Variants in UGT2A1 observed in about 807,000 individuals in gnomAD.
UGT2A1 encodes the protein UDP-glucuronosyltransferase 2A1.
In UGT2A1, 61 loss-of-function variants were observed where a neutral mutation model predicts 45.4. The observed-to-expected ratio is 1.34, with a 90% confidence interval of 1.09 to 1.66. The LOEUF is 1.66. Ranked by LOEUF, UGT2A1 falls within the 40% of genes most tolerant of loss-of-function variation. UGT2A1 has a pLI of 0.00. For synonymous variants in UGT2A1, 229 were observed against 196.2 expected, an observed-to-expected ratio of 1.17 and a Z score of -1.40; for missense variants, 649 against 574.3, an observed-to-expected ratio of 1.13 and a Z score of -1.33.
rs576765689 is a variant in UGT2A1 at position 69,600,561 on chromosome 4, C to A, written c.848-1167G>T. ...ATGGCCTGAAAGCCACAGTTTCCATCTCAGTGGGTGTGTTAGGCCTTTCTC... is the reference window on the plus strand; with the variant it reads ...ATGGCCTGAAAGCCACAGTTTCCATATCAGTGGGTGTGTTAGGCCTTTCTC... On this transcript the variant is annotated intron_variant, in intron 3 of 6. Coordinates refer to ENST00000286604, the MANE Select transcript of UGT2A1 (RefSeq NM_001252275.3). Among the ~76,000 whole-genome samples the A allele has an allele frequency of 3.9e-3, 587 of 152,290 alleles. 1 individual carries two copies. The highest frequency in any genetic ancestry group is 4.7e-3 in the Non-Finnish European group (319 of 68,016).
rs141706101 is a variant in UGT2A1, at chr4:69,614,630, C to A, written c.848-15236G>T. 5.1e-3 allele frequency among the ~76,000 whole-genome samples: 776 copies of A among 152,002 alleles called. 9 individuals are homozygous for A. Among genetic ancestry groups the A allele is most frequent in the African/African-American group, 0.017 (709 of 41,488 alleles). ...CTATTATAAAAAAAGACATATAGAC[C>A]AATGGAATAGAATAATGGACACAGA... On this transcript the variant is annotated intron_variant, in intron 3 of 6. Coordinates refer to ENST00000286604, the MANE Select transcript of UGT2A1 (RefSeq NM_001252275.3).
chr4:69,629,814 G>A (rs982276204), intron 3 of UGT2A1, among the ~76,000 whole-genome samples: 3 of 151,962 alleles, frequency 2.0e-5, no homozygotes, highest in East Asian at 1.9e-4. Flanking sequence ...CCATAACCAT[G>A]AGCCTAGCAG....
intron 3 of UGT2A1, among the ~76,000 whole-genome samples, chr4:69,632,477 G>C (rs1265371723): frequency 1.3e-5 from 2 of 152,114 alleles, no homozygotes; most frequent in Non-Finnish European, 2.9e-5. Flanking sequence ...TAGGCCAAAA[G>C]AGCATAATCT....
At chr4:69,594,976 T>C (rs1212156671) in intron 5 of UGT2A1, among the ~76,000 whole-genome samples, 186 bp downstream of exon 5, 2 of 152,204 alleles carry the variant, frequency 1.3e-5, no homozygotes, top group African/African-American at 4.8e-5. Context: ...AAAATGCTCT[T>C]TTGTGAACCA....
intron 3 of UGT2A1, among the ~76,000 whole-genome samples, chr4:69,615,922 A>T (rs985128613): frequency 3.3e-5 from 5 of 152,060 alleles, no homozygotes; most frequent in Admixed American, 6.6e-5. Flanking sequence ...ATATCCAAAT[A>T]AAGGAATCAG....
intron 2 of UGT2A1, among the ~76,000 whole-genome samples, chr4:69,640,300 G>A (rs1472038469): frequency 2.0e-5 from 1 of 50,204 alleles, no homozygotes; most frequent in African/African-American, 9.0e-5. Flanking sequence ...AAAATGAGAG[G>A]TGAGACATTA....
intron 2 of UGT2A1, chr4:69,639,348 T>C (rs761639777): frequency 6.2e-7 from 1 of 1,613,760 alleles, no homozygotes; most frequent in Non-Finnish European, 8.5e-7. Flanking sequence ...CATTATCATA[T>C]GCTCAATTAA....
chr4:69,629,111 CT>C (rs1487133143), intron 3 of UGT2A1, among the ~76,000 whole-genome samples: 1 of 151,904 alleles, frequency 6.6e-6, no homozygotes. Flanking sequence ...ATTCCCTCTC[CT>C]TTTAACCACC....
chr4:69,633,728 C>T (rs1721513584), intron 3 of UGT2A1, among the ~76,000 whole-genome samples: 1 of 151,998 alleles, frequency 6.6e-6, no homozygotes. Context: ...AACTATATAA[C>T]GTTTAAAGTC....
intron 6 of UGT2A1, among the ~76,000 whole-genome samples, chr4:69,591,353 G>C (rs1718588115): frequency 6.6e-6 from 1 of 152,144 alleles, no homozygotes; most frequent in African/African-American, 2.4e-5. Context: ...AACTTGAAGT[G>C]GGGGTGCATC....
chr4:69,639,271 G>A (rs1216968194), intron 2 of UGT2A1: 1 of 1,613,558 alleles, frequency 6.2e-7, no homozygotes, highest in Non-Finnish European at 8.5e-7. Context: ...AAAGTGTCTA[G>A]AAGTTTTCCT....
chr4:69,652,047 C>G (rs555210962), intron 1 of UGT2A1, among the ~76,000 whole-genome samples: 1 of 152,054 alleles, frequency 6.6e-6, no homozygotes, highest in African/African-American at 2.4e-5. Context: ...AATAAACTTC[C>G]GCTCCTGCTC....
rs34670944 is a variant in UGT2A1 at position 69,612,907 on chromosome 4, G to GAAAA, written c.848-13517_848-13514dup. On this transcript the variant is annotated intron_variant, in intron 3 of 6. Transcript: ENST00000286604. ...CATAATTAAATAAAGAACCTCTGCA[G>GAAAA]AAAAAAAAAAAAACTATCCAGAGAG... Among the ~76,000 whole-genome samples the GAAAA allele has an allele frequency of 3.4e-3, 472 of 140,024 alleles. 2 individuals carry two copies. Among genetic ancestry groups the GAAAA allele is most frequent in the African/African-American group, 9.6e-3 (366 of 37,998 alleles). The allele number at this position is 140,024 out of a possible 152,430, so 91.9% of individuals were successfully genotyped here.
In UGT2A1 at chr4:69,624,767, C is replaced by T. The variant is rs975571957; in HGVS notation, c.847+10924G>A. 4.0e-5 allele frequency among the ~76,000 whole-genome samples: 6 copies of T among 151,450 alleles called. No individual in the cohort carries two copies. The South Asian group carries it at 1.0e-3, about 26-fold the overall frequency. Reference sequence around the variant, plus strand: ...TACAGTTTACTTCTATGTATTACAACTTCACAATACAATAAATATCTGTAG... The same window carrying T: ...TACAGTTTACTTCTATGTATTACAATTTCACAATACAATAAATATCTGTAG... On this transcript the variant is annotated intron_variant, in intron 3 of 6. Coordinates refer to ENST00000286604, the MANE Select transcript of UGT2A1 (RefSeq NM_001252275.3).
At chr4:69,619,328 G>A (rs1360324455) in intron 3 of UGT2A1, among the ~76,000 whole-genome samples, 7 of 151,870 alleles carry the variant, frequency 4.6e-5, no homozygotes, top group African/African-American at 1.7e-4. Flanking sequence ...GAGCCTGGGA[G>A]GTTGAGACTA....
intron 3 of UGT2A1, among the ~76,000 whole-genome samples, chr4:69,624,010 G>T (rs545777006): frequency 1.1e-3 from 164 of 151,570 alleles, no homozygotes; most frequent in African/African-American, 3.9e-3. Context: ...ATTTTTCCAT[G>T]AAAAATATGA....
At chr4:69,629,547 G>T (rs567095900) in intron 3 of UGT2A1, among the ~76,000 whole-genome samples, 114 of 152,148 alleles carry the variant, frequency 7.5e-4, no homozygotes, top group Non-Finnish European at 1.3e-3. Flanking sequence ...GGTAGCTGAG[G>T]TTAGTCAAAC....
chr4:69,644,752 A>T (rs1560496689), intron 2 of UGT2A1, among the ~76,000 whole-genome samples: 1 of 151,784 alleles, frequency 6.6e-6, no homozygotes, highest in South Asian at 2.1e-4. Context: ...ATTACTTAAC[A>T]TACCCAGAGG....
At chr4:69,643,739 T>A (rs4148285) in intron 2 of UGT2A1, among the ~76,000 whole-genome samples, 8,196 of 151,654 alleles carry the variant, frequency 0.054, 334 homozygotes, top group South Asian at 0.14. Context: ...AGAAGTAAAC[T>A]TAGGGAGTTG....
Sources: gnomAD v4.1 joint callset for allele counts (sites outside exome capture counted in the v4.1 genomes callset) on GRCh38, gnomAD v4.1.1 for gene constraint, MANE v1.5 for transcripts, NCBI Gene and HGNC (gene_info 2026-07-23, HGNC 2026-07-21) for gene names.